Variants in ULK4 observed in about 807,000 individuals in gnomAD.
The protein encoded by ULK4 is inactive serine/threonine-protein kinase ULK4.
A neutral mutation model predicts 160.6 loss-of-function variants in ULK4; 133 were observed. The observed-to-expected ratio is 0.83, with a 90% CI of 0.72 to 0.96. The LOEUF is 0.96. ULK4 is among the 40% of genes least tolerant of loss of function. ULK4 has a pLI of 0.00. For synonymous variants in ULK4, 534 were observed against 539.8 expected, an observed-to-expected ratio of 0.99 and a Z score of 0.15; for missense variants, 1,580 against 1,499.5, an observed-to-expected ratio of 1.05 and a Z score of -0.89.
intron 31 of ULK4, among the ~76,000 whole-genome samples, chr3:41,577,922 T>G (rs903238513): frequency 6.6e-6 from 1 of 152,110 alleles, no homozygotes. Flanking sequence ...CACACTGGAG[T>G]AACACTGTAA....
intron 32 of ULK4, among the ~76,000 whole-genome samples, chr3:41,481,554 G>A (rs142286388): frequency 2.0e-4 from 30 of 152,184 alleles, no homozygotes; most frequent in African/African-American, 6.7e-4. Context: ...CTGGCCGGGC[G>A]CGGTGGCTCA....
chr3:41,509,443 T>G (rs2125922739), intron 32 of ULK4, among the ~76,000 whole-genome samples: 1 of 152,224 alleles, frequency 6.6e-6, no homozygotes, highest in South Asian at 2.1e-4. Flanking sequence ...TTGCTAGAGA[T>G]CTAGACATCC....
intron 4 of ULK4, 140 bp downstream of exon 4, chr3:41,935,658 GCCT>G (rs1221009965): frequency 3.9e-6 from 4 of 1,020,176 alleles, no homozygotes; most frequent in Admixed American, 6.2e-5. Flanking sequence ...ACCGTGCCCT[GCCT>G]CCTTTTATTT....
At chr3:41,814,770 T>C (rs935058370) in intron 19 of ULK4, among the ~76,000 whole-genome samples, 1 of 152,168 alleles carries the variant, frequency 6.6e-6, no homozygotes, top group African/African-American at 2.4e-5. Context: ...AAAGCCTATT[T>C]TATCTGATAA....
chr3:41,905,366 A>ATTTT (rs1269035255), intron 12 of ULK4, among the ~76,000 whole-genome samples: 1 of 152,250 alleles, frequency 6.6e-6, no homozygotes, highest in African/African-American at 2.4e-5. Flanking sequence ...AGAGATACTA[A>ATTTT]TAAAACTATA....
rs755449814 is a variant in ULK4, at chr3:41,705,273, C to T, written c.2667G>A (p.Thr889=). ...SHIKSVDSGE[T]NIDGAIGLTA... is the part of the protein sequence containing the mutation. ...ACTCACCTATGGCTCCATCTATGTT[C>T]GTTTCTCCTGAGTCTACAGATTTAA... The change falls in exon 26 of 37, where the codon ACG becomes ACA. Residue 889 remains threonine, a synonymous_variant. Coordinates refer to ENST00000301831, the MANE Select transcript of ULK4 (RefSeq NM_017886.4). The T allele has an allele frequency of 5.2e-5, 84 of 1,612,962 alleles. 1 individual carries two copies. The highest frequency in any genetic ancestry group is 3.1e-4 in the South Asian group (28 of 90,794).
intron 32 of ULK4, among the ~76,000 whole-genome samples, chr3:41,497,315 G>T (rs1053537538): frequency 1.3e-5 from 2 of 151,978 alleles, no homozygotes; most frequent in Non-Finnish European, 2.9e-5. Flanking sequence ...TATAGAAATT[G>T]CTCAACTTGA....
At chr3:41,647,182 T>C (rs2034535449) in intron 30 of ULK4, among the ~76,000 whole-genome samples, 1 of 152,372 alleles carries the variant, frequency 6.6e-6, no homozygotes, top group Non-Finnish European at 1.5e-5. Flanking sequence ...TGAAGCCTTC[T>C]TCTCTCAACT....
At position 41,947,555 on chromosome 3, in the gene ULK4, A is replaced by G. The variant is rs116265506; in HGVS notation, c.138+7067T>C. 5.2e-3 allele frequency among the ~76,000 whole-genome samples: 790 copies of G among 152,324 alleles called. 11 individuals are homozygous for G. Among genetic ancestry groups the G allele is most frequent in the African/African-American group, 0.018 (735 of 41,562 alleles). ...ACCATGATCCAACAGATCTGAACCA[A>G]CTATAGATCAGGATGATACTGACAT... is the stretch of plus-strand genomic sequence containing the variant. On this transcript the variant is annotated intron_variant, in intron 2 of 36. Coordinates refer to ENST00000301831, the MANE Select transcript of ULK4 (RefSeq NM_017886.4).
chr3:41,748,242 C>T (rs1441920553), intron 22 of ULK4, among the ~76,000 whole-genome samples: 3 of 147,116 alleles, frequency 2.0e-5, no homozygotes, highest in African/African-American at 7.6e-5. Flanking sequence ...CACACACACA[C>T]CATATATAGA....
intron 31 of ULK4, among the ~76,000 whole-genome samples, chr3:41,568,706 G>C (rs1040457636): frequency 1.3e-5 from 2 of 152,090 alleles, no homozygotes; most frequent in Non-Finnish European, 2.9e-5. Context: ...AGACTTCTGT[G>C]ACCAAATGTG....
At chr3:41,567,579 T>C (rs1410102143) in intron 31 of ULK4, among the ~76,000 whole-genome samples, 2 of 150,482 alleles carry the variant, frequency 1.3e-5, no homozygotes, top group Non-Finnish European at 2.9e-5. Context: ...CCTGAGTAGG[T>C]GGGACTACAG....
chr3:41,288,278 C>G (rs2079499664), intron 35 of ULK4, among the ~76,000 whole-genome samples: 1 of 152,182 alleles, frequency 6.6e-6, no homozygotes, highest in Non-Finnish European at 1.5e-5. Flanking sequence ...ATCCACTCCT[C>G]CTTCACACAG....
chr3:41,270,086 C>T (rs902487685), intron 35 of ULK4, among the ~76,000 whole-genome samples: 2 of 151,962 alleles, frequency 1.3e-5, no homozygotes, highest in Non-Finnish European at 2.9e-5. Flanking sequence ...TAAGGATGAG[C>T]AAAGTTGTTA....
intron 30 of ULK4, among the ~76,000 whole-genome samples, chr3:41,623,291 AGACTAACCAAAAAAGATCACAGT>A: frequency 6.6e-6 from 1 of 152,312 alleles, no homozygotes; most frequent in Non-Finnish European, 1.5e-5. Flanking sequence ...AAAGCCTATG[AGACTAACCAAAAAAGATCACAGT>A]GTTTACATAC....
chr3:41,578,343 T>C (rs1238379193), intron 31 of ULK4, among the ~76,000 whole-genome samples: 1 of 152,206 alleles, frequency 6.6e-6, no homozygotes, highest in East Asian at 1.9e-4. Flanking sequence ...CATATTTCTG[T>C]TCCCAATTTC....
At chr3:41,546,437 G>T (rs758287646) in intron 32 of ULK4, among the ~76,000 whole-genome samples, 2 of 152,000 alleles carry the variant, frequency 1.3e-5, no homozygotes, top group Non-Finnish European at 2.9e-5. Flanking sequence ...GCATAGCAAG[G>T]ACTGCCACTG....
At chr3:41,325,090 G>A (rs2080315917) in intron 35 of ULK4, among the ~76,000 whole-genome samples, 2 of 152,178 alleles carry the variant, frequency 1.3e-5, no homozygotes, top group South Asian at 4.1e-4. Context: ...TTTCTTCACA[G>A]TGTAACCTAC....
chr3:41,762,812 A>C (rs1356230000), intron 21 of ULK4, among the ~76,000 whole-genome samples: 1 of 151,668 alleles, frequency 6.6e-6, no homozygotes, highest in African/African-American at 2.4e-5. Flanking sequence ...ACAGGTGCCC[A>C]CAACCATATC....
Sources: allele counts gnomAD v4.1 joint callset (sites outside exome capture counted in the v4.1 genomes callset), GRCh38; gene constraint gnomAD v4.1.1; transcripts MANE v1.5; gene names NCBI Gene and HGNC (gene_info 2026-07-23, HGNC 2026-07-21).